OCA2: variants seen among roughly 807,000 people sequenced by gnomAD.
The protein encoded by OCA2 is OCA2 melanosomal transmembrane protein.
A neutral mutation model predicts 100.2 loss-of-function variants in OCA2; 77 were observed. The observed-to-expected ratio is 0.77, with a 90% confidence interval of 0.64 to 0.93. OCA2 has a LOEUF of 0.93. Ranked by LOEUF, OCA2 falls within the 40% of genes least tolerant of loss-of-function variation. The probability of loss-of-function intolerance (pLI) is 0.00; values close to 1 mark genes in which losing one functional copy is unlikely to be tolerated. For synonymous variants in OCA2, 432 were observed against 439.2 expected, an observed-to-expected ratio of 0.98 and a Z score of 0.21; for missense variants, 1,062 against 1,089.1, an observed-to-expected ratio of 0.98 and a Z score of 0.35.
At chr15:27,722,804 CTCTCTCTCTT>C in the OCA2 span, among the ~76,000 whole-genome samples, 1 of 123,530 alleles carries the variant, frequency 8.1e-6, no homozygotes, top group East Asian at 2.4e-4. Flanking sequence ...CTCTCTCTTT[CTCTCTCTCTT>C]TCTCTCTCTC....
the OCA2 span, among the ~76,000 whole-genome samples, chr15:27,729,525 GGGAGGCTGTATTTCTTTCT>G: frequency 6.6e-6 from 1 of 152,096 alleles, no homozygotes; most frequent in South Asian, 2.1e-4. Flanking sequence ...TCAAGGTGTT[GGGAGGCTGTATTTCTTTCT>G]GGAGGCTGTA....
chr15:27,832,657 C>G (rs370720869), intron 23 of OCA2, among the ~76,000 whole-genome samples: 1 of 152,262 alleles, frequency 6.6e-6, no homozygotes. Flanking sequence ...GTTTGCTGCT[C>G]CTCCCTGGTG....
chr15:27,884,371 T>C (rs1264894236), intron 19 of OCA2, among the ~76,000 whole-genome samples: 3 of 152,176 alleles, frequency 2.0e-5, no homozygotes, highest in African/African-American at 7.2e-5. Context: ...TGAGACCCTG[T>C]TTCAAAATAA....
chr15:27,944,999 C>T (rs147043086), intron 18 of OCA2, among the ~76,000 whole-genome samples: 81 of 152,284 alleles, frequency 5.3e-4, no homozygotes, highest in African/African-American at 1.6e-3. Flanking sequence ...AGGAGAGCAG[C>T]GATATGGTTT....
chr15:27,791,788 C>T (rs2033095170), intron 23 of OCA2, among the ~76,000 whole-genome samples: 1 of 152,172 alleles, frequency 6.6e-6, no homozygotes, highest in African/African-American at 2.4e-5. Flanking sequence ...AGACACACTA[C>T]GGGGTTGCTT....
intron 2 of OCA2, among the ~76,000 whole-genome samples, chr15:28,041,251 G>T (rs1298047151): frequency 9.0e-6 from 1 of 111,166 alleles, no homozygotes; most frequent in Non-Finnish European, 1.6e-5. Flanking sequence ...ACACAGTAAA[G>T]AAAAAAAAAC....
Position 27,926,185 on chromosome 15 carries a change from A to T in OCA2, c.2021T>A (p.Leu674Gln). 6.2e-7 allele frequency: 1 copy of T among 1,614,098 alleles called. No homozygotes were observed. The highest frequency in any genetic ancestry group is 8.5e-7 in the Non-Finnish European group (1 of 1,179,932). Residue 674 changes from leucine to glutamine, a missense_variant, in exon 19 of 24, where the codon CTA becomes CAA. Coordinates refer to ENST00000354638, the MANE Select transcript of OCA2 (RefSeq NM_000275.3). ...AAGGGTTGCCCATTCCACTCTGTGT[A>T]GAATTATCTCAAAATCATGAATATC... ...LADIHDFEIILHRVEWATLLF... is the reference protein window; with the variant it reads ...LADIHDFEIIQHRVEWATLLF...
chr15:27,796,556 G>A (rs2033346088), intron 23 of OCA2, among the ~76,000 whole-genome samples: 1 of 152,160 alleles, frequency 6.6e-6, no homozygotes, highest in African/African-American at 2.4e-5. Flanking sequence ...AGTGTGTGCT[G>A]GTGTCCCCCA....
intron 23 of OCA2, among the ~76,000 whole-genome samples, chr15:27,819,783 C>T (rs1441948703): frequency 2.0e-5 from 3 of 152,080 alleles, no homozygotes; most frequent in African/African-American, 7.2e-5. Flanking sequence ...CAGCTGAGAG[C>T]ATGTAGAATG....
chr15:28,071,129 C>G (rs2044246014), intron 2 of OCA2, among the ~76,000 whole-genome samples: 1 of 140,610 alleles, frequency 7.1e-6, no homozygotes, highest in Admixed American at 7.1e-5. Context: ...GCCAAATCCC[C>G]CTCTGTGAGA....
intron 18 of OCA2, among the ~76,000 whole-genome samples, chr15:27,934,411 C>A (rs2039376277): frequency 1.3e-5 from 2 of 152,228 alleles, no homozygotes; most frequent in African/African-American, 4.8e-5. Flanking sequence ...CAAACAGACA[C>A]TTGCTTATCT....
At chr15:27,769,002 G>A (rs1312667933) in intron 23 of OCA2, among the ~76,000 whole-genome samples, 3 of 152,274 alleles carry the variant, frequency 2.0e-5, no homozygotes, top group Non-Finnish European at 2.9e-5. Context: ...ACTTCCTGTC[G>A]CTGCCAGGAC....
chr15:28,005,404 C>T (rs1682897193), intron 9 of OCA2, among the ~76,000 whole-genome samples: 1 of 152,152 alleles, frequency 6.6e-6, no homozygotes, highest in Non-Finnish European at 1.5e-5. Context: ...GCTGCTGTCA[C>T]CAAACCCACC....
intron 18 of OCA2, among the ~76,000 whole-genome samples, chr15:27,947,510 G>A (rs562994441): frequency 3.9e-5 from 6 of 152,272 alleles, no homozygotes; most frequent in South Asian, 2.1e-4. Context: ...AGCCAGCTCC[G>A]TGTGGCCCGA....
intron 18 of OCA2, among the ~76,000 whole-genome samples, chr15:27,932,234 T>C (rs987014029): frequency 6.6e-6 from 1 of 152,232 alleles, no homozygotes; most frequent in African/African-American, 2.4e-5. Context: ...CTATTGTGAA[T>C]GTCTGTTCTA....
chr15:27,924,727 A>G (rs2038983637), intron 19 of OCA2, among the ~76,000 whole-genome samples: 1 of 152,256 alleles, frequency 6.6e-6, no homozygotes, highest in African/African-American at 2.4e-5. Flanking sequence ...ATGTAATTTA[A>G]CACAGTAAGA....
At chr15:27,764,928 T>C (rs1042415573) in intron 23 of OCA2, among the ~76,000 whole-genome samples, 2 of 152,228 alleles carry the variant, frequency 1.3e-5, no homozygotes, top group African/African-American at 4.8e-5. Flanking sequence ...GGACTAAGGA[T>C]ACGTGTAGCT....
At chr15:27,827,446 G>C (rs1595476311) in intron 23 of OCA2, among the ~76,000 whole-genome samples, 1 of 152,204 alleles carries the variant, frequency 6.6e-6, no homozygotes, top group East Asian at 1.9e-4. Context: ...CTTCCACAGA[G>C]TGCCGACGGA....
rs546950903 is a variant in OCA2, at chr15:27,812,529, T to TA, written c.2432+32429dup. 2.7e-4 allele frequency among the ~76,000 whole-genome samples: 41 copies of TA among 152,264 alleles called. No homozygotes were observed. The Middle Eastern group carries it at 0.014, about 51-fold the overall frequency. On this transcript the variant is annotated intron_variant, in intron 23 of 23. Coordinates refer to ENST00000354638, the MANE Select transcript of OCA2 (RefSeq NM_000275.3). The stretch of plus-strand genomic sequence containing the variant: ...AACTTTTAAAAAATATATCTTTCAT[T>TA]AAAAAAAGATTAATTAAAGCCAATT...
Sources: allele counts gnomAD v4.1 joint callset (sites outside exome capture counted in the v4.1 genomes callset), GRCh38; gene constraint gnomAD v4.1.1; transcripts MANE v1.5; gene names NCBI Gene and HGNC (gene_info 2026-07-23, HGNC 2026-07-21).